Variants in TRRAP observed in about 807,000 individuals in gnomAD.
TRRAP encodes transformation/transcription domain associated protein.
In TRRAP, 41 loss-of-function variants were observed where a neutral mutation model predicts 438.8. That is an observed-to-expected ratio of 0.09 (90% confidence interval 0.07 to 0.12). The LOEUF (loss-of-function observed/expected upper bound fraction) is 0.12. Among genes scored for constraint, TRRAP ranks in the 10% least tolerant of loss-of-function variants. The probability of loss-of-function intolerance (pLI) is 1.00; values close to 1 mark genes in which losing one functional copy is unlikely to be tolerated. For synonymous variants in TRRAP, 1,994 were observed against 1,962.9 expected (o/e 1.02, Z -0.42); for missense variants, 3,122 against 5,055.1 (o/e 0.62, Z 11.60).
At chr7:98,893,746 C>T in intron 5 of TRRAP, 52 bp from the exon 6 acceptor site, 1 of 1,514,446 alleles carries the variant, frequency 6.6e-7, no homozygotes, top group Non-Finnish European at 9.1e-7. Context: ...AGAAAATTAG[C>T]CTTTAAAGTG....
At chr7:98,999,725 A>G in intron 67 of TRRAP, 2 of 724,720 alleles carry the variant, frequency 2.8e-6, no homozygotes, top group East Asian at 5.0e-5. Flanking sequence ...GGAGGGAGAA[A>G]GCAAATGGTA....
rs149002659 is a variant in TRRAP, at chr7:98,976,065, C to G, written c.7840-84C>G. 1.9e-4 allele frequency: 297 copies of G among 1,531,584 alleles called. No homozygotes were observed. The East Asian group carries it at 6.6e-3, about 34-fold the overall frequency. The allele number at this position is 1,531,584 out of a possible 1,614,324, so 94.9% of individuals were successfully genotyped here. A position where few individuals can be genotyped will look rare whatever the true frequency, so the allele number is the denominator to read the frequency against. On this transcript the variant is annotated intron_variant, in intron 53 of 72. Transcript: ENST00000456197. This position sits in a 1 kb window ranked among gnomAD's most constrained non-coding sequence, Gnocchi z 4.6. ...GGAGGAGCATCGGTAATGTATGAGA[C>G]AGATCATGGGTGTCTTCTGAGCGTG... is the stretch of plus-strand genomic sequence containing the variant.
chr7:98,957,995 C>G lies in TRRAP; in HGVS notation c.6246C>G (p.Ser2082Arg). ...TGAISAVFGR[S>R]QSLPGADSLL... Reference sequence around the variant, plus strand: ...TCCTTTTCCAGGTCTTTGGGAGGAGCCAGTCGCTACCTGGAGCAGACTCTC... The same window carrying G: ...TCCTTTTCCAGGTCTTTGGGAGGAGGCAGTCGCTACCTGGAGCAGACTCTC... Residue 2082 changes from serine (S) to arginine (R), a missense_variant, in exon 44 of 73, where the codon AGC becomes AGG. Coordinates refer to ENST00000456197, the MANE Select transcript of TRRAP (RefSeq NM_001375524.1). 1 of 1,614,090 alleles carries G rather than the reference C, an allele frequency of 6.2e-7. No homozygotes were observed. Among genetic ancestry groups the G allele is most frequent in the Non-Finnish European group, 8.5e-7 (1 of 1,179,982 alleles).
chr7:98,891,846 A>C (rs1344634679), intron 4 of TRRAP, among the ~76,000 whole-genome samples: 1 of 152,186 alleles, frequency 6.6e-6, no homozygotes, highest in Non-Finnish European at 1.5e-5. Context: ...CCCAGCATGT[A>C]GCTCTTAAAA....
chr7:98,956,936 G>A lies in TRRAP; in HGVS notation c.6231+403G>A, dbSNP rs1027002702. Among the ~76,000 whole-genome samples, 1 of 151,832 alleles carries A rather than the reference G, an allele frequency of 6.6e-6. No homozygotes were observed. The highest frequency in any genetic ancestry group is 1.5e-5 in the Non-Finnish European group (1 of 67,940). On this transcript the variant is annotated intron_variant, in intron 43 of 72. Transcript: ENST00000456197. This position sits in a 1 kb window ranked among gnomAD's most constrained non-coding sequence, Gnocchi z 4.5. ...TGCCCCTTGTGGAGTGGTGGCCCTA[G>A]GAGCCCTGAGTCTGACCCCAGCTGG...
In TRRAP at chr7:98,917,499, T is replaced by C. The variant is rs374340126; in HGVS notation, c.2442T>C (p.Pro814=). The change falls in exon 20 of 73, where the codon CCT becomes CCC. Residue 814 remains proline, a synonymous_variant. Transcript: ENST00000456197. Reference sequence around the variant, plus strand: ...TTGTGGAGCTGTGTCTCACCGTCCCTGTGCGGCTGAGCTCGCTTTTGCCGT... The same window carrying C: ...TTGTGGAGCTGTGTCTCACCGTCCCCGTGCGGCTGAGCTCGCTTTTGCCGT... ...DLFVELCLTV[P]VRLSSLLPYL... is the part of the protein sequence containing the mutation. 2.5e-6 allele frequency: 4 copies of C among 1,614,200 alleles called. No individual in the cohort carries two copies. Among genetic ancestry groups the C allele is most frequent in the Non-Finnish European group, 3.4e-6 (4 of 1,180,036 alleles).
Position 98,925,209 on chromosome 7 carries a change from T to C in TRRAP, c.2921T>C (p.Met974Thr). Residue 974 changes from methionine (M) to threonine (T), a missense_variant, in exon 22 of 73, where the codon ATG (methionine) becomes ACG (threonine). By Grantham distance (81) the Met-to-Thr change is moderately conservative. Around this residue, in one of 24 missense-constraint regions of TRRAP, gnomAD observed 133 missense variants for 188.6 expected, o/e 0.71. Transcript: ENST00000456197. ...GTGATCAAATGCTTCCTGGTGGCCATGATGAGCCTGGAGGACAACAAGCAC... is the reference window on the plus strand; with the variant it reads ...GTGATCAAATGCTTCCTGGTGGCCACGATGAGCCTGGAGGACAACAAGCAC... The part of the protein sequence containing the change: ...WEVIKCFLVA[M>T]MSLEDNKHAL... 2 of 1,614,152 alleles carry C rather than the reference T, an allele frequency of 1.2e-6. No individual in the cohort carries two copies. Among genetic ancestry groups the C allele is most frequent in the Non-Finnish European group, 1.7e-6 (2 of 1,180,020 alleles).
Position 98,897,874 on chromosome 7 carries a change from T to A in TRRAP, c.633+8T>A. On this transcript the variant is annotated splice_region_variant and intron_variant, in intron 8 of 72. Transcript: ENST00000456197. ...GACAGTGAGACTCGAACAGTAAGTG[T>A]TTCGCTGAGTTATTTCTACCCGTGG... is the stretch of plus-strand genomic sequence containing the variant. 2 of 1,613,622 alleles carry A rather than the reference T, an allele frequency of 1.2e-6. No individual in the cohort carries two copies. Among genetic ancestry groups the A allele is most frequent in the Non-Finnish European group, 1.7e-6 (2 of 1,179,768 alleles).
rs1584423112 is a variant in TRRAP, at chr7:99,011,064, A to G, written c.10951A>G (p.Ile3651Val). 1 of 1,613,680 alleles carries G rather than the reference A, an allele frequency of 6.2e-7. No individual in the cohort carries two copies. The highest frequency in any genetic ancestry group is 8.5e-7 in the Non-Finnish European group (1 of 1,179,596). ...TQASHQVLRD[I>V]LKEVQSNMVP... ...CGCTGTGTTTCAGGTCCTCCGCGAC[A>G]TCCTCAAGGAGGTTCAGAGTAACAT... The change falls in exon 71 of 73, where the codon ATC (isoleucine) becomes GTC (valine). Residue 3651 changes from isoleucine to valine, a missense_variant. Physicochemically the swap from Ile to Val is conservative, Grantham distance 29 (BLOSUM62 3). Around this residue, in one of 24 missense-constraint regions of TRRAP, gnomAD observed 192 missense variants for 355.6 expected, o/e 0.54. Coordinates refer to ENST00000456197, the MANE Select transcript of TRRAP (RefSeq NM_001375524.1). This position sits in a 1 kb window ranked among gnomAD's most constrained non-coding sequence, Gnocchi z 7.1.
intron 23 of TRRAP, among the ~76,000 whole-genome samples, chr7:98,929,641 C>A (rs782605049): frequency 2.0e-5 from 3 of 150,802 alleles, no homozygotes; most frequent in Non-Finnish European, 4.4e-5. Context: ...CTCACTCTGG[C>A]GGCCAGGCTG....
chr7:98,966,328 A>AT (rs1331064438), intron 49 of TRRAP, among the ~76,000 whole-genome samples: 5 of 151,856 alleles, frequency 3.3e-5, no homozygotes, highest in Admixed American at 6.6e-5. Context: ...AGAAAGATGG[A>AT]TTTTTTTCAG....
chr7:98,911,277 A>G lies in TRRAP; in HGVS notation c.2007+6A>G, dbSNP rs376788982. The G allele has an allele frequency of 6.3e-7, 1 of 1,597,374 alleles. No homozygotes were observed. The highest frequency in any genetic ancestry group is 1.3e-5 in the African/African-American group (1 of 74,170). On this transcript the variant is annotated splice_donor_region_variant and intron_variant, in intron 17 of 72. Coordinates refer to ENST00000456197, the MANE Select transcript of TRRAP (RefSeq NM_001375524.1). ...CAAAAAATTATGCTCTTCAGGTATA[A>G]AACTCCTTTTTTTATGTTGTTTGAA...
At chr7:98,937,009 C>T (rs1193243125) in intron 28 of TRRAP, 147 bp from the exon 29 acceptor site, 2 of 1,049,614 alleles carry the variant, frequency 1.9e-6, no homozygotes, top group African/African-American at 3.4e-5. Context: ...AGGAGAATCC[C>T]TTGAGGCCAG....
chr7:98,992,222 A>G lies in TRRAP; in HGVS notation c.9842A>G (p.Lys3281Arg), dbSNP rs780731693. 5 of 1,613,960 alleles carry G rather than the reference A, an allele frequency of 3.1e-6. No individual in the cohort carries two copies. The African/African-American group carries it at 6.7e-5, about 22-fold the overall frequency. Residue 3281 changes from lysine to arginine, a missense_variant, in exon 65 of 73, where the codon AAG (lysine) becomes AGG (arginine). Physicochemically the swap from Lys to Arg is conservative, Grantham distance 26. Around this residue, in one of 24 missense-constraint regions of TRRAP, gnomAD observed 107 missense variants for 327.5 expected, o/e 0.33. Transcript: ENST00000456197. ...AAAATAGAACAGCGGGAACGCTACA[A>G]GAGCGGTACGTCTCGGGTGGGGCCG... ...TLKIEQRERY[K>R]SDSGQQQPSS...
At chr7:98,962,541 C>A in intron 47 of TRRAP, 114 bp downstream of exon 47, 1 of 1,567,650 alleles carries the variant, frequency 6.4e-7, no homozygotes, top group Non-Finnish European at 8.7e-7. Flanking sequence ...AGCTTTGAGC[C>A]GCTGCGTTGT....
At position 99,012,218 on chromosome 7, in the gene TRRAP, G is replaced by C; in HGVS notation, c.11485G>C (p.Val3829Leu). The C allele has an allele frequency of 1.2e-6, 2 of 1,614,048 alleles. No homozygotes were observed. Among genetic ancestry groups the C allele is most frequent in the Non-Finnish European group, 1.7e-6 (2 of 1,179,964 alleles). ...QQLVSLVQKAVTAIMTRLHNL... is the reference protein window; with the variant it reads ...QQLVSLVQKALTAIMTRLHNL... ...ACTGGTGTCCCTGGTTCAGAAAGCC[G>C]TCACCGCCATCATGACCCGCCTGCA... The change falls in exon 73 of 73, where the codon GTC becomes CTC. Residue 3829 changes from valine to leucine, a missense_variant. Val to Leu is a conservative substitution (Grantham distance 32, BLOSUM62 1). Transcript: ENST00000456197. The surrounding 1 kb of genome is among the most constrained non-coding windows in gnomAD (Gnocchi z 5.9).
chr7:98,949,844 G>A lies in TRRAP; in HGVS notation c.5135+3G>A. On this transcript the variant is annotated splice_donor_region_variant and intron_variant, in intron 37 of 72. Coordinates refer to ENST00000456197, the MANE Select transcript of TRRAP (RefSeq NM_001375524.1). ...TACTGCCTGCTGAACTACTGCAAGT[G>A]GGTGCCTCCTCCCGCCCTGCCCCGC... 6.2e-7 allele frequency: 1 copy of A among 1,612,070 alleles called. No individual in the cohort carries two copies. The highest frequency in any genetic ancestry group is 2.2e-5 in the East Asian group (1 of 44,864).
Position 98,931,437 on chromosome 7 carries a change from C to A in TRRAP, c.3624C>A (p.Thr1208=), listed in dbSNP as rs1485720933. The A allele has an allele frequency of 1.9e-6, 3 of 1,613,994 alleles. No individual in the cohort carries two copies. The highest frequency in any genetic ancestry group is 1.3e-5 in the African/African-American group (1 of 74,936). The part of the protein sequence containing the change: ...VSNGAVAMAK[T]TLEQLLMRCA... The stretch of plus-strand genomic sequence containing the variant: ...ATGGGGCAGTCGCTATGGCAAAGAC[C>A]ACGCTGGAGCAGCTTCTGATGCGGT... Residue 1208 remains threonine (T), a synonymous_variant, in exon 26 of 73, where the codon ACC becomes ACA. Coordinates refer to ENST00000456197, the MANE Select transcript of TRRAP (RefSeq NM_001375524.1).
chr7:98,994,529 T>C lies in TRRAP; in HGVS notation c.10048-58T>C. The C allele has an allele frequency of 6.2e-7, 1 of 1,604,818 alleles. No individual in the cohort carries two copies. On this transcript the variant is annotated intron_variant, in intron 66 of 72. Transcript: ENST00000456197. This position sits in a 1 kb window ranked among gnomAD's most constrained non-coding sequence, Gnocchi z 4.8. ...GCCGCACTCAATAGGCGCTTTTGGCTGCTGGTTCTGGAGTGGAGGGCTGTG... is the reference window on the plus strand; with the variant it reads ...GCCGCACTCAATAGGCGCTTTTGGCCGCTGGTTCTGGAGTGGAGGGCTGTG...
Sources: allele counts gnomAD v4.1 joint callset (sites outside exome capture counted in the v4.1 genomes callset), GRCh38; gene constraint gnomAD v4.1.1; regional missense constraint gnomAD v4.1.1; non-coding constraint Gnocchi (gnomAD v3.1); transcripts MANE v1.5; gene names NCBI Gene and HGNC (gene_info 2026-07-23, HGNC 2026-07-21).